ABAT: variants seen among roughly 807,000 people sequenced by gnomAD.
ABAT encodes the protein 4-aminobutyrate aminotransferase, also known as 4-aminobutyrate aminotransferase, mitochondrial.
Under a neutral mutation model 64.6 loss-of-function variants are expected in ABAT, and 45 were observed. The ratio of observed to expected loss-of-function variants is 0.70; its 90% CI spans 0.55 to 0.89. The LOEUF (loss-of-function observed/expected upper bound fraction) is 0.89. Ranked by LOEUF, ABAT falls within the 40% of genes least tolerant of loss-of-function variation. The probability of loss-of-function intolerance (pLI) is 0.00; values close to 1 mark genes in which losing one functional copy is unlikely to be tolerated. For synonymous variants in ABAT, 297 were observed against 250.5 expected (o/e 1.19, Z -1.75); for missense variants, 633 against 658.4 (o/e 0.96, Z 0.42).
At chr16:8,735,871 T>C (rs2058911782) in intron 2 of ABAT, 62 bp downstream of exon 2, 9 of 1,461,364 alleles carry the variant, frequency 6.2e-6, no homozygotes, top group Non-Finnish European at 8.4e-6. Flanking sequence ...AGACTAGGGA[T>C]TCCTGGGCTG....
At chr16:8,702,667 A>G (rs1384411023) in intron 1 of ABAT, among the ~76,000 whole-genome samples, 1 of 152,028 alleles carries the variant, frequency 6.6e-6, no homozygotes, top group Non-Finnish European at 1.5e-5. Flanking sequence ...CCCTCCCACC[A>G]GGCTCCTCGT....
rs1170996027 is a variant in ABAT at position 8,696,011 on chromosome 16, C to G, written c.-42+21300C>G. 2.0e-5 allele frequency among the ~76,000 whole-genome samples: 3 copies of G among 152,230 alleles called. No individual in the cohort carries two copies. The East Asian group carries it at 5.8e-4, about 29-fold the overall frequency. ...TCTTAGACAAGAAGGCGTCCAGCCT[C>G]CAGAGTGGATCCCGCTCCAAGGCAA... On this transcript the variant is annotated intron_variant, in intron 1 of 15. Coordinates refer to ENST00000268251, the MANE Select transcript of ABAT (RefSeq NM_020686.6).
At chr16:8,755,831 C>T (rs953642857) in intron 5 of ABAT, among the ~76,000 whole-genome samples, 3 of 152,148 alleles carry the variant, frequency 2.0e-5, no homozygotes, top group African/African-American at 7.2e-5. Context: ...GGGTGGATCA[C>T]GAGGTCAGCA....
At chr16:8,707,212 G>C (rs967852758) in intron 1 of ABAT, among the ~76,000 whole-genome samples, 2 of 151,940 alleles carry the variant, frequency 1.3e-5, no homozygotes, top group Non-Finnish European at 2.9e-5. Flanking sequence ...TTTGAGACCA[G>C]GTCTCCCTCT....
chr16:8,752,381 C>T (rs9674283), intron 5 of ABAT, among the ~76,000 whole-genome samples: 3,940 of 152,202 alleles, frequency 0.026, 159 homozygotes, highest in African/African-American at 0.089. Context: ...TGACCCACCC[C>T]CGAGGACTCC....
chr16:8,702,115 C>T (rs189088602), intron 1 of ABAT, among the ~76,000 whole-genome samples: 3 of 152,208 alleles, frequency 2.0e-5, no homozygotes, highest in African/African-American at 4.8e-5. Flanking sequence ...TTCATTGGAT[C>T]ATGGTTCTGC....
chr16:8,732,794 G>A (rs1367923340), intron 1 of ABAT, among the ~76,000 whole-genome samples: 1 of 150,528 alleles, frequency 6.6e-6, no homozygotes, highest in African/African-American at 2.5e-5. Flanking sequence ...CCCAGTAGGG[G>A]CGGCCGGGCA....
At chr16:8,695,948 A>G (rs2057691995) in intron 1 of ABAT, among the ~76,000 whole-genome samples, 1 of 152,190 alleles carries the variant, frequency 6.6e-6, no homozygotes, top group Non-Finnish European at 1.5e-5. Flanking sequence ...GGTCTAAACC[A>G]AGTCCCTTTG....
intron 1 of ABAT, chr16:8,713,963 T>A (rs1031457794): frequency 4.4e-6 from 2 of 454,968 alleles, no homozygotes; most frequent in Non-Finnish European, 8.9e-6. Context: ...CAGTGCCTGT[T>A]ATCTGTGGTG....
chr16:8,687,629 G>C (rs1567270693), intron 1 of ABAT, among the ~76,000 whole-genome samples: 1 of 152,210 alleles, frequency 6.6e-6, no homozygotes, highest in Non-Finnish European at 1.5e-5. Context: ...CAGATCATTT[G>C]CGGGTCATCC....
In ABAT at chr16:8,781,626, C is replaced by A; in HGVS notation, c.*196C>A. On this transcript the variant is annotated 3_prime_UTR_variant, in exon 16 of 16. Coordinates refer to ENST00000268251, the MANE Select transcript of ABAT (RefSeq NM_020686.6). The surrounding 1 kb of genome is among the most constrained non-coding windows in gnomAD (Gnocchi z 4.5). ...GGGCTGGTGTTGATTTTCCTCCCTG[C>A]AGAGCCAATGGTGCACATTGGTTTA... is the stretch of plus-strand genomic sequence containing the variant. The A allele has an allele frequency of 1.4e-6, 1 of 707,514 alleles. No homozygotes were observed. The highest frequency in any genetic ancestry group is 2.4e-6 in the Non-Finnish European group (1 of 417,632). 43.8% of individuals were successfully genotyped at this position (707,514 alleles called of 1,614,324 possible).
chr16:8,746,230 A>G, intron 3 of ABAT, 132 bp downstream of exon 3: 1 of 765,892 alleles, frequency 1.3e-6, no homozygotes, highest in Non-Finnish European at 2.2e-6. Context: ...CAGAGATCTG[A>G]GATACTCAAT....
chr16:8,685,505 G>T (rs2057434000), intron 1 of ABAT, among the ~76,000 whole-genome samples: 1 of 150,492 alleles, frequency 6.6e-6, no homozygotes, highest in East Asian at 2.0e-4. Flanking sequence ...CCCTGTCTCT[G>T]CTAAAAATAC....
intron 1 of ABAT, among the ~76,000 whole-genome samples, chr16:8,684,722 CAAAA>C (rs35012807): frequency 5.8e-5 from 7 of 121,660 alleles, no homozygotes; most frequent in East Asian, 2.4e-4. Flanking sequence ...GATCCTGTCT[CAAAA>C]AAAAAAAAAA....
chr16:8,706,404 CAAAAAAAAAA>C (rs56329419), intron 1 of ABAT, among the ~76,000 whole-genome samples: 2 of 95,086 alleles, frequency 2.1e-5, no homozygotes, highest in African/African-American at 4.8e-5. Context: ...GACCCTGTTT[CAAAAAAAAAA>C]AAAAAAAAAG....
chr16:8,741,093 A>G (rs924602064), intron 2 of ABAT, among the ~76,000 whole-genome samples: 1 of 152,268 alleles, frequency 6.6e-6, no homozygotes, highest in Admixed American at 6.5e-5. Context: ...TGGCATGGCC[A>G]TTGAGGGCTG....
intron 6 of ABAT, among the ~76,000 whole-genome samples, chr16:8,759,930 G>T (rs13337024): frequency 1.3e-5 from 2 of 152,008 alleles, no homozygotes; most frequent in Admixed American, 6.5e-5. Flanking sequence ...TCAAAATTAC[G>T]TCTGGGTGAT....
intron 1 of ABAT, among the ~76,000 whole-genome samples, chr16:8,688,870 G>A (rs2057516867): frequency 6.6e-6 from 1 of 152,224 alleles, no homozygotes; most frequent in East Asian, 1.9e-4. Context: ...GAGGTCAGGA[G>A]TTCGAGACCA....
intron 3 of ABAT, 24 bp from the exon 4 acceptor site, chr16:8,748,084 T>G (rs759927778): frequency 1.9e-6 from 3 of 1,612,208 alleles, no homozygotes; most frequent in Non-Finnish European, 2.5e-6. Flanking sequence ...CTTGCTATAA[T>G]GCTTTTGTTG....
Sources: gnomAD v4.1 joint callset for allele counts (sites outside exome capture counted in the v4.1 genomes callset) on GRCh38, gnomAD v4.1.1 for gene constraint, Gnocchi (gnomAD v3.1) non-coding constraint, MANE v1.5 for transcripts, NCBI Gene and HGNC (gene_info 2026-07-23, HGNC 2026-07-21) for gene names.